KCNN2: variants seen among roughly 807,000 people sequenced by gnomAD.
KCNN2 encodes the protein small conductance calcium-activated potassium channel protein 2.
KCNN2 carries 24 observed loss-of-function variants against 55.5 expected under a neutral mutation model. The ratio of observed to expected loss-of-function variants is 0.43; its 90% CI spans 0.31 to 0.61. KCNN2 has a LOEUF of 0.61. KCNN2 is among the 20% of genes least tolerant of loss of function. KCNN2 has a pLI of 0.08. For synonymous variants in KCNN2, 431 were observed against 336.1 expected (o/e 1.28, Z -3.09); for missense variants, 754 against 853.6 (o/e 0.88, Z 1.45).
chr5:114,212,357 T>C (rs947263371), intron 1 of KCNN2, among the ~76,000 whole-genome samples: 1 of 151,990 alleles, frequency 6.6e-6, no homozygotes, highest in Non-Finnish European at 1.5e-5. Context: ...TCTATAGAGA[T>C]AAAGTAAATT....
At chr5:114,471,080 T>C (rs1338292316) in intron 4 of KCNN2, among the ~76,000 whole-genome samples, 1 of 152,214 alleles carries the variant, frequency 6.6e-6, no homozygotes, top group Non-Finnish European at 1.5e-5. Context: ...TCATATAAAA[T>C]AGGTGAATTT....
intron 1 of KCNN2, among the ~76,000 whole-genome samples, chr5:114,209,230 T>G (rs1425063792): frequency 6.6e-6 from 1 of 151,982 alleles, no homozygotes; most frequent in Non-Finnish European, 1.5e-5. Context: ...AATTTTTAAT[T>G]TTTGCCTTTT....
chr5:114,465,225 C>T (rs1261125035), intron 4 of KCNN2, among the ~76,000 whole-genome samples: 2 of 152,154 alleles, frequency 1.3e-5, no homozygotes, highest in South Asian at 2.1e-4. Flanking sequence ...AAAAACTGTT[C>T]CTTCAAAGTC....
At chr5:114,283,360 T>A (rs984063352) in intron 2 of KCNN2, among the ~76,000 whole-genome samples, 2 of 152,192 alleles carry the variant, frequency 1.3e-5, no homozygotes. Flanking sequence ...TATTCTATTT[T>A]TCAGTTCTAT....
chr5:114,128,730 A>G (rs2112608119), intron 1 of KCNN2, among the ~76,000 whole-genome samples: 1 of 152,314 alleles, frequency 6.6e-6, no homozygotes, highest in South Asian at 2.1e-4. Context: ...ATTAGTCTGG[A>G]TTCCATACTT....
intron 2 of KCNN2, among the ~76,000 whole-genome samples, chr5:114,393,239 T>C (rs1347753799): frequency 6.6e-6 from 1 of 152,126 alleles, no homozygotes; most frequent in East Asian, 1.9e-4. Context: ...GAGAGCTTGG[T>C]TTTATTGAAT....
At chr5:114,317,597 G>A (rs894366807) in intron 2 of KCNN2, among the ~76,000 whole-genome samples, 2 of 152,204 alleles carry the variant, frequency 1.3e-5, no homozygotes, top group South Asian at 4.2e-4. Context: ...TCCCTCCTCT[G>A]TTTTTGGCTG....
At chr5:114,430,251 C>T (rs1487890658) in intron 3 of KCNN2, among the ~76,000 whole-genome samples, 1 of 152,012 alleles carries the variant, frequency 6.6e-6, no homozygotes, top group Non-Finnish European at 1.5e-5. Context: ...GCTTTTCTGT[C>T]TATGAACATA....
At chr5:114,332,565 C>A (rs749346880) in intron 2 of KCNN2, among the ~76,000 whole-genome samples, 1 of 152,076 alleles carries the variant, frequency 6.6e-6, no homozygotes, top group Non-Finnish European at 1.5e-5. Flanking sequence ...GATATTTAAC[C>A]AAATCTGAAA....
chr5:114,260,292 A>G (rs929209162), intron 2 of KCNN2, among the ~76,000 whole-genome samples: 14 of 152,214 alleles, frequency 9.2e-5, no homozygotes, highest in Non-Finnish European at 1.8e-4. Context: ...ATTAAATATC[A>G]GTGCCATTCC....
At position 114,218,001 on chromosome 5, in the gene KCNN2, A is replaced by G. The variant is rs115586469; in HGVS notation, c.-270-3479A>G. The stretch of plus-strand genomic sequence containing the variant: ...ATTAGCATTTAAAAAGATTCTTCAT[A>G]TCATGTATCATAAGGGAAATGCAAA... On this transcript the variant is annotated intron_variant, in intron 1 of 10. Transcript: ENST00000512097. 5.3e-3 allele frequency among the ~76,000 whole-genome samples: 810 copies of G among 152,352 alleles called. 11 individuals are homozygous for G. Among genetic ancestry groups the G allele is most frequent in the African/African-American group, 0.018 (756 of 41,584 alleles).
intron 1 of KCNN2, among the ~76,000 whole-genome samples, chr5:114,136,440 C>T (rs560820169): frequency 1.3e-5 from 2 of 152,136 alleles, no homozygotes; most frequent in Non-Finnish European, 2.9e-5. Context: ...AAATAAATTT[C>T]TATTCATTAT....
chr5:114,256,293 G>T (rs1754981653), intron 2 of KCNN2, among the ~76,000 whole-genome samples: 1 of 152,102 alleles, frequency 6.6e-6, no homozygotes, highest in Non-Finnish European at 1.5e-5. Flanking sequence ...TGGACACTTA[G>T]ATTGATCCCA....
At position 114,496,157 on chromosome 5, in the gene KCNN2, C is replaced by G. The variant is rs1748112654; in HGVS notation, c.2351C>G (p.Pro784Arg). Residue 784 changes from proline to arginine, a missense_variant, in exon 8 of 8, where the codon CCA becomes CGA. Coordinates refer to ENST00000673685, the MANE Select transcript of KCNN2 (RefSeq NM_021614.4). ...SRRRRSSSTA[P>R]PTSSESS ...AGGCGGCGGTCCTCTTCCACAGCACCACCAACTTCATCAGAGAGTAGCTAG... is the reference window on the plus strand; with the variant it reads ...AGGCGGCGGTCCTCTTCCACAGCACGACCAACTTCATCAGAGAGTAGCTAG... 6.2e-7 allele frequency: 1 copy of G among 1,613,820 alleles called. No individual in the cohort carries two copies. Among genetic ancestry groups the G allele is most frequent in the South Asian group, 1.1e-5 (1 of 91,074 alleles).
At chr5:114,148,163 A>G (rs10061904) in intron 1 of KCNN2, among the ~76,000 whole-genome samples, 3,779 of 152,268 alleles carry the variant, frequency 0.025, 150 homozygotes, top group African/African-American at 0.086. Context: ...CAAATTTTTC[A>G]CAGTCTGACT....
At chr5:114,210,299 A>G (rs1753857036) in intron 1 of KCNN2, among the ~76,000 whole-genome samples, 2 of 152,200 alleles carry the variant, frequency 1.3e-5, no homozygotes, top group African/African-American at 4.8e-5. Context: ...TGTATATTAC[A>G]TAAAGATTCT....
chr5:114,459,180 C>CTTT (rs1186941260), intron 3 of KCNN2, among the ~76,000 whole-genome samples: 5 of 152,242 alleles, frequency 3.3e-5, no homozygotes, highest in African/African-American at 1.2e-4. Context: ...GTTGATCTTA[C>CTTT]AGTCTTTGTC....
chr5:114,326,375 G>C (rs1254526459), intron 2 of KCNN2, among the ~76,000 whole-genome samples: 1 of 152,142 alleles, frequency 6.6e-6, no homozygotes, highest in Admixed American at 6.5e-5. Flanking sequence ...AGGATGAAGT[G>C]GCTGGATATT....
At chr5:114,449,545 C>G (rs1760559789) in intron 3 of KCNN2, among the ~76,000 whole-genome samples, 1 of 152,148 alleles carries the variant, frequency 6.6e-6, no homozygotes, top group South Asian at 2.1e-4. Context: ...AGTCTGTTCT[C>G]TTAGAGAAAA....
Sources: gnomAD v4.1 joint callset for allele counts (sites outside exome capture counted in the v4.1 genomes callset) on GRCh38, gnomAD v4.1.1 for gene constraint, MANE v1.5 for transcripts, NCBI Gene and HGNC (gene_info 2026-07-23, HGNC 2026-07-21) for gene names.